Variants in IL31RA observed in about 807,000 individuals in gnomAD.
IL31RA encodes interleukin-31 receptor subunit alpha.
A neutral mutation model predicts 83.7 loss-of-function variants in IL31RA; 66 were observed. The ratio of observed to expected loss-of-function variants is 0.79; its 90% CI spans 0.65 to 0.97. The LOEUF (loss-of-function observed/expected upper bound fraction) is 0.97. Ranked by LOEUF, IL31RA falls within the 50% of genes least tolerant of loss-of-function variation. The pLI is 0.00. For missense variants in IL31RA, 798 were observed against 919.4 expected, an observed-to-expected ratio of 0.87 and a Z score of 1.71; for synonymous variants, 325 against 329.0, an observed-to-expected ratio of 0.99 and a Z score of 0.13.
intron 7 of IL31RA, among the ~76,000 whole-genome samples, chr5:55,897,188 C>T (rs1748457127): frequency 6.9e-6 from 1 of 145,434 alleles, no homozygotes; most frequent in Non-Finnish European, 1.5e-5. Flanking sequence ...GATCTCTTAC[C>T]CTTCTAAAAA....
At chr5:55,902,459 C>CAAAAAAAAAAAAAAAAAAAATAAAA (rs1748884413) in intron 8 of IL31RA, 1 of 100,742 alleles carries the variant, frequency 9.9e-6, no homozygotes, top group African/African-American at 3.9e-5. Context: ...CTTGTTTCTA[C>CAAAAAAAAAAAAAAAAAAAATAAAA]AAAAAAAAAA....
upstream of IL31RA, among the ~76,000 whole-genome samples, chr5:55,848,425 G>T (rs1473984027): frequency 6.6e-6 from 1 of 152,098 alleles, no homozygotes; most frequent in Non-Finnish European, 1.5e-5. Context: ...CTTTCAGATT[G>T]GTTCCTGTGT....
chr5:55,842,386 A>T, the IL31RA span, among the ~76,000 whole-genome samples: 1 of 152,128 alleles, frequency 6.6e-6, no homozygotes, highest in East Asian at 1.9e-4. Flanking sequence ...CCACTATGGG[A>T]GGTGTATGGG....
chr5:55,906,420 A>C (rs769356646), intron 9 of IL31RA, 132 bp downstream of exon 9: 22 of 880,008 alleles, frequency 2.5e-5, no homozygotes, highest in Non-Finnish European at 4.0e-5. Context: ...GTGCAAGCTT[A>C]ATGAAGTGAC....
In IL31RA at chr5:55,906,219, G is replaced by A. The variant is rs201944900; in HGVS notation, c.1183G>A (p.Val395Met). The change falls in exon 9 of 15, where the codon GTG (valine) becomes ATG (methionine). Residue 395 changes from valine (V) to methionine (M), a missense_variant. Coordinates refer to ENST00000652347, the MANE Select transcript of IL31RA (RefSeq NM_139017.7). ...NTWMIEWFPD[V>M]DSEPTTLSWE... Reference sequence around the variant, plus strand: ...TTGGATGATTGAATGGTTTCCGGATGTGGACTCAGAGCCCACCACCCTTTC... The same window carrying A: ...TTGGATGATTGAATGGTTTCCGGATATGGACTCAGAGCCCACCACCCTTTC... The A allele has an allele frequency of 5.0e-6, 8 of 1,614,232 alleles. No individual in the cohort carries two copies. Among genetic ancestry groups the A allele is most frequent in the African/African-American group, 2.7e-5 (2 of 75,052 alleles).
rs538182428 is a variant in IL31RA, at chr5:55,862,427, G to A, written c.154+2828G>A. On this transcript the variant is annotated intron_variant, in intron 2 of 14. Transcript: ENST00000652347. Reference sequence around the variant, plus strand: ...TATTTTTAATTTTTTTTTCTGAGACGGAGTCTCGCTCTGTCGCCCTGGCTG... The same window carrying A: ...TATTTTTAATTTTTTTTTCTGAGACAGAGTCTCGCTCTGTCGCCCTGGCTG... Among the ~76,000 whole-genome samples the A allele has an allele frequency of 4.0e-5, 6 of 151,892 alleles. No individual in the cohort carries two copies. In the South Asian group the frequency reaches 6.2e-4, roughly 16 times the overall value.
Position 55,920,832 on chromosome 5 carries a change from G to A in IL31RA, c.*3712G>A, listed in dbSNP as rs1750057885. Among the ~76,000 whole-genome samples, 1 of 152,176 alleles carries A rather than the reference G, an allele frequency of 6.6e-6. No homozygotes were observed. The highest frequency in any genetic ancestry group is 2.4e-5 in the African/African-American group (1 of 41,436). On this transcript the variant is annotated 3_prime_UTR_variant, in exon 15 of 15. Coordinates refer to ENST00000652347, the MANE Select transcript of IL31RA (RefSeq NM_139017.7). ...TTCCTGTCCCCTTCCCATAGCTAAG[G>A]TCGAGAGTTGGTGGCTTACACCAGT...
In IL31RA at chr5:55,895,090, A is replaced by C. The variant is rs566262583; in HGVS notation, c.773-1260A>C. Among the ~76,000 whole-genome samples, 4 of 152,204 alleles carry C rather than the reference A, an allele frequency of 2.6e-5. No individual in the cohort carries two copies. In the South Asian group the frequency reaches 8.3e-4, roughly 32 times the overall value. ...TGAAGACAATCTCTTACTTCTAAAA[A>C]ATAGTTTAGATATTGGTCTGAGTGG... On this transcript the variant is annotated intron_variant, in intron 6 of 14. Coordinates refer to ENST00000652347, the MANE Select transcript of IL31RA (RefSeq NM_139017.7).
In IL31RA at chr5:55,922,755, G is replaced by A; in HGVS notation, c.*5635G>A. The A allele has an allele frequency of 3.0e-6, 1 of 327,942 alleles. No individual in the cohort carries two copies. Among genetic ancestry groups the A allele is most frequent in the Non-Finnish European group, 5.6e-6 (1 of 180,048 alleles). 20.3% of individuals were successfully genotyped at this position (327,942 alleles called of 1,614,324 possible). On this transcript the variant is annotated 3_prime_UTR_variant, in exon 15 of 15. Transcript: ENST00000652347. ...TGCTATACTTCTATACTATTTTCAT[G>A]TAATACTATACTTCTATACTATTTT...
chr5:55,884,025 C>T (rs966535649), intron 5 of IL31RA, among the ~76,000 whole-genome samples: 1 of 152,126 alleles, frequency 6.6e-6, no homozygotes, highest in Non-Finnish European at 1.5e-5. Context: ...ATTTACCTGA[C>T]CTTTAATGAA....
At chr5:55,893,456 G>A (rs1748140826) in intron 6 of IL31RA, among the ~76,000 whole-genome samples, 1 of 152,202 alleles carries the variant, frequency 6.6e-6, no homozygotes. Context: ...AGCATCAATT[G>A]TTGCTGCATC....
At chr5:55,845,536 T>C in the IL31RA span, among the ~76,000 whole-genome samples, 8,132 of 152,166 alleles carry the variant, frequency 0.053, 449 homozygotes, top group African/African-American at 0.14. Context: ...ATGGAGGTAA[T>C]TGGAACATGG....
chr5:55,874,799 A>C (rs143185206), intron 4 of IL31RA, among the ~76,000 whole-genome samples: 1 of 152,154 alleles, frequency 6.6e-6, no homozygotes, highest in African/African-American at 2.4e-5. Flanking sequence ...TTGTCTGTAT[A>C]CAAGGTCATG....
Position 55,896,340 on chromosome 5 carries a change from T to A in IL31RA, c.773-10T>A. On this transcript the variant is annotated splice_polypyrimidine_tract_variant and intron_variant, in intron 6 of 14. Coordinates refer to ENST00000652347, the MANE Select transcript of IL31RA (RefSeq NM_139017.7). ...CTCTGGGTTGAGTACCTCATTCTTGTTCCTTACAGCTCCATGTGGCCTGGA... is the reference window on the plus strand; with the variant it reads ...CTCTGGGTTGAGTACCTCATTCTTGATCCTTACAGCTCCATGTGGCCTGGA... 1 of 1,604,132 alleles carries A rather than the reference T, an allele frequency of 6.2e-7. No individual in the cohort carries two copies. The highest frequency in any genetic ancestry group is 8.5e-7 in the Non-Finnish European group (1 of 1,171,018).
intron 4 of IL31RA, among the ~76,000 whole-genome samples, chr5:55,876,450 A>G (rs1046638562): frequency 8.5e-5 from 13 of 152,112 alleles, no homozygotes; most frequent in African/African-American, 2.9e-4. Flanking sequence ...CGTCCTTCCT[A>G]CCCCCAGTTT....
intron 5 of IL31RA, among the ~76,000 whole-genome samples, chr5:55,886,511 TG>T (rs530179890): frequency 1.3e-3 from 203 of 152,206 alleles, no homozygotes; most frequent in Admixed American, 2.1e-3. Flanking sequence ...TGACCTCAGG[TG>T]ATCCACCTGC....
At chr5:55,866,474 G>C (rs1165544499) in intron 2 of IL31RA, 1 of 150,482 alleles carries the variant, frequency 6.6e-6, no homozygotes, top group African/African-American at 2.4e-5. Flanking sequence ...TCCCTCACAA[G>C]CACAGTTCAC....
At chr5:55,908,235 G>A in intron 10 of IL31RA, 30 bp from the exon 11 acceptor site, 2 of 1,613,394 alleles carry the variant, frequency 1.2e-6, no homozygotes, top group East Asian at 2.2e-5. Flanking sequence ...GCGGTTCAGT[G>A]ATTATCATTT....
chr5:55,908,313 C>T lies in IL31RA; in HGVS notation c.1403C>T (p.Thr468Met), dbSNP rs141842556. 5.9e-5 allele frequency: 95 copies of T among 1,613,976 alleles called. No homozygotes were observed. Among genetic ancestry groups the T allele is most frequent in the African/African-American group, 8.0e-5 (6 of 74,880 alleles). The change falls in exon 11 of 15, where the codon ACG becomes ATG. Residue 468 changes from threonine (T) to methionine (M), a missense_variant. Physicochemically the swap from Thr to Met is moderately conservative, Grantham distance 81. Transcript: ENST00000652347. ...AAGGTGGAGAACATTGGCGTGAAGA[C>T]GGTCACGATCACATGGAAAGAGATT... ...ETKVENIGVK[T>M]VTITWKEIPK...
Sources: gnomAD v4.1 joint callset for allele counts (sites outside exome capture counted in the v4.1 genomes callset) on GRCh38, gnomAD v4.1.1 for gene constraint, MANE v1.5 for transcripts, NCBI Gene and HGNC (gene_info 2026-07-23, HGNC 2026-07-21) for gene names.